Variants in TMEM185A observed in about 807,000 individuals in gnomAD.
The protein encoded by TMEM185A is transmembrane protein 185A.
TMEM185A carries 9 observed loss-of-function variants against 25.0 expected under a neutral mutation model. That is an observed-to-expected ratio of 0.36 (90% CI 0.22 to 0.63). The LOEUF is 0.63. TMEM185A is among the 20% of genes least tolerant of loss of function. TMEM185A has a pLI of 0.68. For synonymous variants in TMEM185A, 45 were observed against 93.5 expected (o/e 0.48, Z 2.99); for missense variants, 103 against 237.4 (o/e 0.43, Z 3.72).
chrX:149,615,589 A>C (rs2090106418), intron 1 of TMEM185A, among the ~76,000 whole-genome samples: 1 of 112,264 alleles, frequency 8.9e-6, no homozygotes, highest in South Asian at 3.7e-4. Context: ...AGATCTAGTA[A>C]GTGAATTTAA....
intron 1 of TMEM185A, among the ~76,000 whole-genome samples, chrX:149,623,396 G>A (rs1557355699): frequency 6.3e-5 from 7 of 111,854 alleles, no homozygotes. Flanking sequence ...AGATACATAT[G>A]AGTGTGTAAG....
intron 1 of TMEM185A, among the ~76,000 whole-genome samples, chrX:149,622,497 G>A (rs1675805673): frequency 9.0e-6 from 1 of 111,657 alleles, no homozygotes; most frequent in South Asian, 3.7e-4. Context: ...TTAAAAAACA[G>A]CAAGCTTATA....
rs1464040963 is a variant in TMEM185A, at chrX:149,597,199, C to T, written c.*812G>A. The T allele has an allele frequency of 2.2e-5, 2 of 90,321 alleles. No individual in the cohort carries two copies. Among genetic ancestry groups the T allele is most frequent in the Non-Finnish European group, 2.3e-5 (1 of 43,812 alleles). The allele number at this position is 90,321 out of a possible 1,213,427, so 7.4% of individuals were successfully genotyped here. ...GTTCCAGGGCAGAAGTGGCAATGTC[C>T]CATGAAGGCGTGGCACCCCACGGGG... On this transcript the variant is annotated 3_prime_UTR_variant, in exon 7 of 7. Coordinates refer to ENST00000600449, the MANE Select transcript of TMEM185A (RefSeq NM_032508.4).
intron 6 of TMEM185A, 24 bp from the exon 7 acceptor site, chrX:149,598,279 TCA>T: frequency 1.3e-6 from 1 of 771,907 alleles, no homozygotes; most frequent in Non-Finnish European, 1.9e-6. Flanking sequence ...ATTTTTTATT[TCA>T]CACACGAGGC....
intron 1 of TMEM185A, among the ~76,000 whole-genome samples, chrX:149,621,466 A>G (rs1312230760): frequency 1.8e-5 from 2 of 112,534 alleles, no homozygotes; most frequent in Non-Finnish European, 3.8e-5. Flanking sequence ...AATATAATTC[A>G]TGATTCAAAT....
chrX:149,609,663 C>T (rs1422160553), intron 2 of TMEM185A, among the ~76,000 whole-genome samples: 2 of 111,934 alleles, frequency 1.8e-5, no homozygotes, highest in African/African-American at 6.5e-5. Context: ...ACAAATACAC[C>T]GGAAGTTAGA....
At chrX:149,627,762 C>T (rs1362472860) in intron 1 of TMEM185A, among the ~76,000 whole-genome samples, 7 of 112,216 alleles carry the variant, frequency 6.2e-5, no homozygotes, top group African/African-American at 3.2e-5. Context: ...ACTAGGCTTA[C>T]GCATTGAGAG....
At chrX:149,629,537 AG>A (rs1232009735) in intron 1 of TMEM185A, among the ~76,000 whole-genome samples, 1 of 112,294 alleles carries the variant, frequency 8.9e-6, no homozygotes, top group Non-Finnish European at 1.9e-5. Context: ...TGTAAAATTA[AG>A]GAACTCACTA....
chrX:149,622,737 AC>A (rs1197140920), intron 1 of TMEM185A, among the ~76,000 whole-genome samples: 1 of 106,559 alleles, frequency 9.4e-6, no homozygotes, highest in African/African-American at 3.8e-5. Context: ...TGATGTATCA[AC>A]AAGTAACTAC....
chrX:149,602,336 T>G (rs1422961555), intron 4 of TMEM185A: 2 of 112,473 alleles, frequency 1.8e-5, no homozygotes, highest in South Asian at 7.4e-4. Flanking sequence ...CCCCAAAGAT[T>G]CTGTCCTATG....
chrX:149,631,243 A>G (rs1483183785), intron 1 of TMEM185A, among the ~76,000 whole-genome samples: 7 of 109,494 alleles, frequency 6.4e-5, no homozygotes, highest in African/African-American at 2.3e-4. Context: ...TGGGACACCA[A>G]TGAGGGACAG....
intron 1 of TMEM185A, among the ~76,000 whole-genome samples, chrX:149,622,479 G>A (rs2090144022): frequency 9.0e-6 from 1 of 111,477 alleles, no homozygotes; most frequent in African/African-American, 3.3e-5. Flanking sequence ...GTAGCAGAAC[G>A]AGAAAATTTA....
At chrX:149,604,105 A>G (rs1557352904) in intron 3 of TMEM185A, 35 bp from the exon 4 acceptor site, 1 of 1,033,377 alleles carries the variant, frequency 9.7e-7, no homozygotes, top group Admixed American at 2.3e-5. Context: ...TAAACAAAGT[A>G]TAATTTGCAT....
At chrX:149,617,647 T>C (rs941206508) in intron 1 of TMEM185A, among the ~76,000 whole-genome samples, 23 of 111,597 alleles carry the variant, frequency 2.1e-4, no homozygotes, top group African/African-American at 6.5e-4. Context: ...TGTATACTTA[T>C]TCTATGGCCC....
intron 1 of TMEM185A, 115 bp downstream of exon 1, chrX:149,631,428 C>A (rs2090191712): frequency 1.1e-6 from 1 of 907,887 alleles, no homozygotes; most frequent in Non-Finnish European, 1.4e-6. Flanking sequence ...CTCGGGCAGG[C>A]GCCCGGGTCC....
At chrX:149,628,393 A>C (rs781907959) in intron 1 of TMEM185A, among the ~76,000 whole-genome samples, 5 of 112,276 alleles carry the variant, frequency 4.5e-5, no homozygotes, top group African/African-American at 1.6e-4. Context: ...TCAGGCATTC[A>C]AGGAAGGACT....
At chrX:149,608,202 G>A (rs1569560979) in intron 3 of TMEM185A, among the ~76,000 whole-genome samples, 2 of 112,220 alleles carry the variant, frequency 1.8e-5, no homozygotes, top group Non-Finnish European at 3.8e-5. Flanking sequence ...AAGAAAAATT[G>A]TTATTTCCAT....
At chrX:149,608,902 G>T (rs782152246) in intron 2 of TMEM185A, 68 bp from the exon 3 acceptor site, 958 of 916,102 alleles carry the variant, frequency 1.0e-3, no homozygotes, top group Middle Eastern at 1.4e-3. Context: ...GCAGTTCAGG[G>T]CAAATACCAA....
intron 1 of TMEM185A, among the ~76,000 whole-genome samples, chrX:149,611,812 G>C (rs1404038422): frequency 9.0e-6 from 1 of 111,563 alleles, no homozygotes; most frequent in Non-Finnish European, 1.9e-5. Flanking sequence ...TGGTTCCAGA[G>C]GGCAAGTAGG....
Sources: gnomAD v4.1 joint callset for allele counts (sites outside exome capture counted in the v4.1 genomes callset) on GRCh38, gnomAD v4.1.1 for gene constraint, MANE v1.5 for transcripts, NCBI Gene and HGNC (gene_info 2026-07-23, HGNC 2026-07-21) for gene names.